PTPN1: variants seen among roughly 807,000 people sequenced by gnomAD.
PTPN1 encodes the protein protein tyrosine phosphatase non-receptor type 1.
A neutral mutation model predicts 59.9 loss-of-function variants in PTPN1; 12 were observed. The ratio of observed to expected loss-of-function variants is 0.20; its 90% CI spans 0.13 to 0.32. PTPN1 has a LOEUF of 0.32. Among genes scored for constraint, PTPN1 ranks in the 10% least tolerant of loss-of-function variants. The pLI is 1.00. For missense variants in PTPN1, 356 were observed against 549.2 expected (o/e 0.65, Z 3.52); for synonymous variants, 178 against 203.6 (o/e 0.87, Z 1.07).
In PTPN1 at chr20:50,568,435, G is replaced by T. The variant is rs1177454007; in HGVS notation, c.311G>T (p.Ser104Ile). The T allele has an allele frequency of 6.2e-7, 1 of 1,614,202 alleles. No homozygotes were observed. The highest frequency in any genetic ancestry group is 8.5e-7 in the Non-Finnish European group (1 of 1,180,020). ...HFWEMVWEQK[S>I]RGVVMLNRVM... ...TGGGAGATGGTGTGGGAGCAGAAAA[G>T]CAGGGGTGTCGTCATGCTCAACAGA... The change falls in exon 4 of 10, where the codon AGC becomes ATC. Residue 104 changes from serine to isoleucine, a missense_variant. By Grantham distance (142) the Ser-to-Ile change is moderately radical. Around this residue, in one of 3 missense-constraint regions of PTPN1, gnomAD observed 194 missense variants for 344.2 expected, o/e 0.56. Coordinates refer to ENST00000371621, the MANE Select transcript of PTPN1 (RefSeq NM_002827.4). This position sits in a 1 kb window ranked among gnomAD's most constrained non-coding sequence, Gnocchi z 5.6.
At chr20:50,564,939 T>C in intron 2 of PTPN1, 30 bp from the exon 3 acceptor site, 1 of 1,612,216 alleles carries the variant, frequency 6.2e-7, no homozygotes, top group South Asian at 1.1e-5. Context: ...TTTTCCGGGA[T>C]TAACCTCTGA....
rs2082891335 is a variant in PTPN1, at chr20:50,584,821, CCT to C, written c.*2107_*2108del. Reference sequence around the variant, plus strand: ...TAGAGCTAAACCAGGATGAGTAACTCCTGTTTCTTTCTATCCCTGCTGATGTG... The same window carrying C: ...TAGAGCTAAACCAGGATGAGTAACTCGTTTCTTTCTATCCCTGCTGATGTG... On this transcript the variant is annotated 3_prime_UTR_variant, in exon 10 of 10. Transcript: ENST00000371621. 1 of 152,268 alleles carries C rather than the reference CCT, an allele frequency of 6.6e-6. No homozygotes were observed. Among genetic ancestry groups the C allele is most frequent in the East Asian group, 1.9e-4 (1 of 5,186 alleles). The allele number at this position is 152,268 out of a possible 1,614,324, so 9.4% of individuals were successfully genotyped here.
chr20:50,581,254 T>C lies in PTPN1; in HGVS notation c.1089-11T>C, dbSNP rs371265377. 2.3e-5 allele frequency: 36 copies of C among 1,584,938 alleles called. No individual in the cohort carries two copies. In the African/African-American group the frequency reaches 4.8e-4, roughly 21 times the overall value. Reference sequence around the variant, plus strand: ...AAGTGAGTAACCCATCTCTGCCCTCTGATTCCTCAGCATGAGTCAAGACAC... The same window carrying C: ...AAGTGAGTAACCCATCTCTGCCCTCCGATTCCTCAGCATGAGTCAAGACAC... On this transcript the variant is annotated splice_polypyrimidine_tract_variant and intron_variant, in intron 8 of 9. Coordinates refer to ENST00000371621, the MANE Select transcript of PTPN1 (RefSeq NM_002827.4).
At chr20:50,529,982 C>G (rs1465061850) in intron 1 of PTPN1, among the ~76,000 whole-genome samples, 1 of 152,116 alleles carries the variant, frequency 6.6e-6, no homozygotes, top group African/African-American at 2.4e-5. Context: ...TCAAGCGATT[C>G]TCGTGCCTCA....
chr20:50,543,150 C>G (rs558867327), intron 1 of PTPN1, among the ~76,000 whole-genome samples: 1 of 152,088 alleles, frequency 6.6e-6, no homozygotes, highest in African/African-American at 2.4e-5. Context: ...TAAACAGGAA[C>G]AATTTAATGT....
intron 1 of PTPN1, among the ~76,000 whole-genome samples, chr20:50,546,962 T>G (rs930878239): frequency 6.6e-6 from 1 of 152,212 alleles, no homozygotes; most frequent in Non-Finnish European, 1.5e-5. Context: ...AAGCAGAAGG[T>G]AAACAAAACA....
chr20:50,534,787 G>A (rs1010592688), intron 1 of PTPN1, among the ~76,000 whole-genome samples: 2 of 152,032 alleles, frequency 1.3e-5, no homozygotes, highest in Admixed American at 6.6e-5. Context: ...GTGCAGTGGT[G>A]CAATCATAGC....
intron 1 of PTPN1, among the ~76,000 whole-genome samples, chr20:50,553,018 G>A (rs1050869328): frequency 1.3e-5 from 2 of 151,938 alleles, no homozygotes; most frequent in Admixed American, 1.3e-4. Flanking sequence ...TTTCAATTTA[G>A]TACTTATCAG....
chr20:50,573,432 AT>A (rs889156232), intron 4 of PTPN1: 3 of 152,340 alleles, frequency 2.0e-5, no homozygotes, highest in African/African-American at 7.3e-5. Flanking sequence ...TGTCCGTAGC[AT>A]TTCCCCCTCA....
At chr20:50,522,943 T>C (rs1383661351) in intron 1 of PTPN1, among the ~76,000 whole-genome samples, 1 of 151,608 alleles carries the variant, frequency 6.6e-6, no homozygotes, top group Non-Finnish European at 1.5e-5. Flanking sequence ...TTTTTGTATT[T>C]TTAGTAGAGA....
At chr20:50,548,441 T>TA (rs1468334238) in intron 1 of PTPN1, among the ~76,000 whole-genome samples, 34 of 151,988 alleles carry the variant, frequency 2.2e-4, no homozygotes, top group Middle Eastern at 3.4e-3. Context: ...TTTTTTTTTT[T>TA]ATTGAGACAG....
At chr20:50,577,838 G>A (rs973935802) in intron 5 of PTPN1, 1 of 152,926 alleles carries the variant, frequency 6.5e-6, no homozygotes, top group African/African-American at 2.4e-5. Flanking sequence ...GGACACACTC[G>A]GTTCATGGGC....
rs11471457 is a variant in PTPN1, at chr20:50,533,690, G to GCC, written c.63+23108_63+23109dup. ...CTTCTCAGCAGAAAGGGACACCCTT[G>GCC]CCCCCCCCCAGAAAGGAAGATTTGA... On this transcript the variant is annotated intron_variant, in intron 1 of 9. Transcript: ENST00000371621. Among the ~76,000 whole-genome samples, 1,369 of 149,944 alleles carry GCC rather than the reference G, an allele frequency of 9.1e-3. 22 individuals carry two copies. Among genetic ancestry groups the GCC allele is most frequent in the African/African-American group, 0.031 (1,281 of 40,676 alleles).
chr20:50,551,003 G>A (rs1281551959), intron 1 of PTPN1, among the ~76,000 whole-genome samples: 1 of 152,194 alleles, frequency 6.6e-6, no homozygotes, highest in Non-Finnish European at 1.5e-5. Flanking sequence ...GTGTTTTCAG[G>A]AGAAATAGAA....
At chr20:50,565,196 C>A in intron 3 of PTPN1, 127 bp downstream of exon 3, 1 of 934,208 alleles carries the variant, frequency 1.1e-6, no homozygotes, top group Non-Finnish European at 1.5e-6. Flanking sequence ...CAAAAAGCAG[C>A]AAGGAAGGGG....
intron 1 of PTPN1, among the ~76,000 whole-genome samples, chr20:50,520,582 T>C (rs2082546948): frequency 1.3e-5 from 2 of 152,284 alleles, no homozygotes; most frequent in African/African-American, 4.8e-5. Flanking sequence ...TAGGAAACCT[T>C]CCCCAGCCTG....
intron 1 of PTPN1, among the ~76,000 whole-genome samples, chr20:50,518,802 C>T (rs1402112886): frequency 6.6e-6 from 1 of 152,048 alleles, no homozygotes; most frequent in African/African-American, 2.4e-5. Flanking sequence ...CAGAATGGGG[C>T]CAAGATCAGA....
intron 1 of PTPN1, among the ~76,000 whole-genome samples, chr20:50,532,079 G>A (rs952897379): frequency 1.3e-5 from 2 of 152,202 alleles, no homozygotes; most frequent in African/African-American, 4.8e-5. Context: ...CTGTATTTAA[G>A]GGGAGATCTG....
chr20:50,536,096 G>T (rs548613104), intron 1 of PTPN1, among the ~76,000 whole-genome samples: 26 of 152,220 alleles, frequency 1.7e-4, no homozygotes, highest in African/African-American at 6.3e-4. Context: ...CTAACTGTAG[G>T]ATTTAGTCAC....
Sources: gnomAD v4.1 joint callset for allele counts (sites outside exome capture counted in the v4.1 genomes callset) on GRCh38, gnomAD v4.1.1 for gene constraint, gnomAD v4.1.1 regional missense constraint, Gnocchi (gnomAD v3.1) non-coding constraint, MANE v1.5 for transcripts, NCBI Gene and HGNC (gene_info 2026-07-23, HGNC 2026-07-21) for gene names.